The following KCNB2 variants were observed in gnomAD, a reference collection of about 807,000 sequenced individuals.
The protein encoded by KCNB2 is potassium voltage-gated channel subfamily B member 2.
A neutral mutation model predicts 61.5 loss-of-function variants in KCNB2; 15 were observed. That is an observed-to-expected ratio of 0.24 (90% CI 0.16 to 0.38). The LOEUF (loss-of-function observed/expected upper bound fraction) is 0.38, where lower values mean the gene tolerates loss of function less well. Ranked by LOEUF, KCNB2 falls within the 10% of genes least tolerant of loss-of-function variation. The pLI is 1.00. For missense variants in KCNB2, 828 were observed against 1,125.2 expected (o/e 0.74, Z 3.78); for synonymous variants, 457 against 446.0 (o/e 1.02, Z -0.31).
chr8:72,825,704 A>G (rs980893540), intron 2 of KCNB2, among the ~76,000 whole-genome samples: 4 of 152,138 alleles, frequency 2.6e-5, no homozygotes, highest in Non-Finnish European at 5.9e-5. Context: ...CTTTGGAGAA[A>G]TGTCTGTCTA....
intron 2 of KCNB2, among the ~76,000 whole-genome samples, chr8:72,736,697 A>G (rs1054012957): frequency 6.6e-6 from 1 of 152,178 alleles, no homozygotes; most frequent in Admixed American, 6.6e-5. Context: ...TGCATTCTAA[A>G]TTAACCTAAA....
chr8:72,753,495 G>C (rs1179191498), intron 2 of KCNB2, among the ~76,000 whole-genome samples: 2 of 152,208 alleles, frequency 1.3e-5, no homozygotes. Context: ...CAGTTGGGTT[G>C]AGAGTTACAC....
In KCNB2 at chr8:72,670,354, T is replaced by C. The variant is rs542474588; in HGVS notation, c.579+102041T>C. On this transcript the variant is annotated intron_variant, in intron 2 of 2. Transcript: ENST00000523207. ...GAACCTGGACTTGGAATAGATTAAT[T>C]CTGATAGAAAGTTTTGGGGTAATTT... 2.0e-5 allele frequency among the ~76,000 whole-genome samples: 3 copies of C among 152,330 alleles called. No individual in the cohort carries two copies. The South Asian group carries it at 6.2e-4, about 32-fold the overall frequency.
intron 2 of KCNB2, among the ~76,000 whole-genome samples, chr8:72,887,252 G>A (rs1380476023): frequency 6.6e-6 from 1 of 152,116 alleles, no homozygotes; most frequent in East Asian, 1.9e-4. Context: ...ATCACACCTT[G>A]TACAGTTTTC....
At chr8:72,800,501 A>G (rs1009394885) in intron 2 of KCNB2, among the ~76,000 whole-genome samples, 7 of 152,160 alleles carry the variant, frequency 4.6e-5, no homozygotes, top group African/African-American at 1.7e-4. Context: ...CTTCAACAAA[A>G]GCCTCTGTGT....
At chr8:72,677,580 C>A (rs777388918) in intron 2 of KCNB2, among the ~76,000 whole-genome samples, 3 of 152,014 alleles carry the variant, frequency 2.0e-5, no homozygotes, top group Non-Finnish European at 4.4e-5. Context: ...TTTTCAAAAC[C>A]GCTCTTAACC....
intron 2 of KCNB2, among the ~76,000 whole-genome samples, chr8:72,664,857 G>T (rs1806441363): frequency 6.6e-6 from 1 of 152,186 alleles, no homozygotes; most frequent in Non-Finnish European, 1.5e-5. Context: ...TTTAAGTAAG[G>T]TTATCAGGGA....
chr8:72,579,147 G>C (rs1465107721), intron 2 of KCNB2, among the ~76,000 whole-genome samples: 1 of 152,068 alleles, frequency 6.6e-6, no homozygotes, highest in Non-Finnish European at 1.5e-5. Flanking sequence ...CTGCTTCTTA[G>C]CTCCTTTCCC....
At chr8:72,561,864 G>A (rs1246109633) in intron 1 of KCNB2, among the ~76,000 whole-genome samples, 2 of 146,034 alleles carry the variant, frequency 1.4e-5, no homozygotes, top group African/African-American at 2.5e-5. Flanking sequence ...TTTTGGAGGT[G>A]CTTTCAAAAA....
chr8:72,924,273 G>GA (rs796495349), intron 2 of KCNB2, among the ~76,000 whole-genome samples: 4 of 152,238 alleles, frequency 2.6e-5, no homozygotes, highest in African/African-American at 9.6e-5. Flanking sequence ...ACACAGTGTT[G>GA]AAAAGCCCCA....
intron 2 of KCNB2, among the ~76,000 whole-genome samples, chr8:72,635,764 A>G (rs1805955216): frequency 6.6e-6 from 1 of 152,204 alleles, no homozygotes; most frequent in African/African-American, 2.4e-5. Context: ...CTGTCAACAA[A>G]GAATTCAAAG....
intron 2 of KCNB2, among the ~76,000 whole-genome samples, chr8:72,910,962 G>A (rs984783315): frequency 3.3e-5 from 5 of 152,118 alleles, no homozygotes; most frequent in African/African-American, 4.8e-5. Flanking sequence ...CTGAAGGAAA[G>A]GGAAAATAAT....
chr8:72,685,763 G>A (rs2128989550), intron 2 of KCNB2, among the ~76,000 whole-genome samples: 1 of 152,314 alleles, frequency 6.6e-6, no homozygotes, highest in South Asian at 2.1e-4. Flanking sequence ...GCCGAGGCAG[G>A]CAGATCGCCT....
At chr8:72,699,091 T>A (rs1807068714) in intron 2 of KCNB2, among the ~76,000 whole-genome samples, 1 of 152,160 alleles carries the variant, frequency 6.6e-6, no homozygotes, top group African/African-American at 2.4e-5. Flanking sequence ...AAGAAAATAT[T>A]GGCATACTAT....
intron 2 of KCNB2, among the ~76,000 whole-genome samples, chr8:72,861,848 T>C (rs960546942): frequency 5.9e-5 from 9 of 152,166 alleles, no homozygotes; most frequent in African/African-American, 1.9e-4. Context: ...ATAGTTTACG[T>C]CTCCTGTGGC....
chr8:72,814,969 G>T (rs560400121), intron 2 of KCNB2, among the ~76,000 whole-genome samples: 64 of 152,242 alleles, frequency 4.2e-4, no homozygotes, highest in African/African-American at 1.5e-3. Context: ...GAGAAACAAA[G>T]CAGAGCCAAG....
At chr8:72,724,637 C>A (rs1187208749) in intron 2 of KCNB2, among the ~76,000 whole-genome samples, 1 of 152,228 alleles carries the variant, frequency 6.6e-6, no homozygotes, top group African/African-American at 2.4e-5. Context: ...AGATAAATAA[C>A]AATAGTATGT....
intron 2 of KCNB2, among the ~76,000 whole-genome samples, chr8:72,900,596 A>C (rs1204697739): frequency 6.6e-6 from 1 of 152,194 alleles, no homozygotes; most frequent in Non-Finnish European, 1.5e-5. Flanking sequence ...CAAACTATGC[A>C]TCTGACAAAG....
chr8:72,860,103 T>C (rs1172325004), intron 2 of KCNB2, among the ~76,000 whole-genome samples: 1 of 152,232 alleles, frequency 6.6e-6, no homozygotes, highest in Non-Finnish European at 1.5e-5. Flanking sequence ...TGGGCATTTA[T>C]GTTGATTCCA....
Sources: gnomAD v4.1 joint callset for allele counts (sites outside exome capture counted in the v4.1 genomes callset) on GRCh38, gnomAD v4.1.1 for gene constraint, MANE v1.5 for transcripts, NCBI Gene and HGNC (gene_info 2026-07-23, HGNC 2026-07-21) for gene names.